ERBB4: variants seen among roughly 807,000 people sequenced by gnomAD.
ERBB4 encodes erb-b2 receptor tyrosine kinase 4.
A neutral mutation model predicts 158.0 loss-of-function variants in ERBB4; 42 were observed. The ratio of observed to expected loss-of-function variants is 0.27; its 90% CI spans 0.21 to 0.34. The LOEUF is 0.34. ERBB4 is among the 10% of genes least tolerant of loss of function. The pLI, the probability that ERBB4 is intolerant of heterozygous loss-of-function variation, is 1.00. For missense variants in ERBB4, 1,333 were observed against 1,624.1 expected (o/e 0.82, Z 3.08); for synonymous variants, 583 against 558.7 (o/e 1.04, Z -0.61).
chr2:211,632,004 T>C (rs2070153749), intron 16 of ERBB4, among the ~76,000 whole-genome samples: 2 of 152,064 alleles, frequency 1.3e-5, no homozygotes, highest in African/African-American at 2.4e-5. Context: ...AAAAAAAATC[T>C]GCGTAACTTC....
chr2:212,003,112 A>AAGGAAG, intron 2 of ERBB4, among the ~76,000 whole-genome samples: 1 of 48,146 alleles, frequency 2.1e-5, no homozygotes, highest in African/African-American at 6.8e-5. Flanking sequence ...AAAGAAAGAA[A>AAGGAAG]GAAGGAAGGA....
chr2:211,507,314 T>G (rs2125604767), intron 20 of ERBB4, among the ~76,000 whole-genome samples: 1 of 152,280 alleles, frequency 6.6e-6, no homozygotes, highest in South Asian at 2.1e-4. Context: ...CTACTGAAAT[T>G]ACTCTGAAAA....
chr2:211,669,656 T>G (rs1377567589), intron 14 of ERBB4, among the ~76,000 whole-genome samples: 1 of 152,204 alleles, frequency 6.6e-6, no homozygotes, highest in Admixed American at 6.5e-5. Flanking sequence ...ATTTCCAATC[T>G]ATCCCTTGCA....
At chr2:211,853,198 G>T (rs2077761302) in intron 3 of ERBB4, among the ~76,000 whole-genome samples, 2 of 151,866 alleles carry the variant, frequency 1.3e-5, no homozygotes, top group South Asian at 4.1e-4. Context: ...TCAGATTCTT[G>T]CATAATTGTG....
intron 1 of ERBB4, among the ~76,000 whole-genome samples, chr2:212,449,259 A>G (rs2106014139): frequency 6.6e-6 from 1 of 152,288 alleles, no homozygotes; most frequent in South Asian, 2.1e-4. Context: ...ATAAAATCAA[A>G]TGCACATTAA....
intron 20 of ERBB4, among the ~76,000 whole-genome samples, chr2:211,515,916 T>A (rs868437741): frequency 0.038 from 2,597 of 68,492 alleles, 38 homozygotes; most frequent in African/African-American, 0.11. Context: ...ATATATATTT[T>A]TTTTTTTTTT....
chr2:211,834,158 C>A (rs1010114092), intron 3 of ERBB4, among the ~76,000 whole-genome samples: 1 of 151,990 alleles, frequency 6.6e-6, no homozygotes, highest in Non-Finnish European at 1.5e-5. Context: ...ATAAAGATAT[C>A]AGAGAAATTA....
chr2:212,087,400 C>T (rs10497960), intron 2 of ERBB4, among the ~76,000 whole-genome samples: 29,603 of 152,032 alleles, frequency 0.19, 3,815 homozygotes, highest in Non-Finnish European at 0.29. Flanking sequence ...ACAGTACTAA[C>T]GCCACCAATT....
chr2:212,346,802 T>G (rs1017440671), intron 1 of ERBB4, among the ~76,000 whole-genome samples: 6 of 152,104 alleles, frequency 3.9e-5, no homozygotes, highest in African/African-American at 1.4e-4. Flanking sequence ...AGGGCCAAGG[T>G]ACTTAGGAAA....
chr2:212,205,811 G>T (rs1027347920), intron 1 of ERBB4, among the ~76,000 whole-genome samples: 1 of 152,106 alleles, frequency 6.6e-6, no homozygotes, highest in African/African-American at 2.4e-5. Flanking sequence ...AAAGAATCAT[G>T]TTTTAAAAGC....
chr2:211,892,948 G>C (rs1014311152), intron 3 of ERBB4, among the ~76,000 whole-genome samples: 2 of 146,062 alleles, frequency 1.4e-5, no homozygotes, highest in Non-Finnish European at 3.0e-5. Context: ...ATGCTCATGG[G>C]TAGGAAGAAT....
intron 1 of ERBB4, among the ~76,000 whole-genome samples, chr2:212,144,151 T>G (rs2080583109): frequency 6.6e-6 from 1 of 152,212 alleles, no homozygotes; most frequent in Non-Finnish European, 1.5e-5. Context: ...TTCTGTTGGA[T>G]GCATGCTAAC....
At chr2:212,152,560 A>T (rs189134145) in intron 1 of ERBB4, among the ~76,000 whole-genome samples, 1 of 152,072 alleles carries the variant, frequency 6.6e-6, no homozygotes, top group Non-Finnish European at 1.5e-5. Context: ...CATTTCTCTT[A>T]ATCTAAATTT....
rs116440530 is a variant in ERBB4, at chr2:211,419,225, C to T, written c.3135+1216G>A. Among the ~76,000 whole-genome samples the T allele has an allele frequency of 3.4e-3, 514 of 152,100 alleles. 2 individuals are homozygous for T. Among genetic ancestry groups the T allele is most frequent in the African/African-American group, 0.012 (483 of 41,520 alleles). On this transcript the variant is annotated intron_variant, in intron 25 of 27. Coordinates refer to ENST00000342788, the MANE Select transcript of ERBB4 (RefSeq NM_005235.3). ...TAGCTGTGTGACACCAGTCATATCACCTGACTTCTCTGTGGCAAGTTTCTT... is the reference window on the plus strand; with the variant it reads ...TAGCTGTGTGACACCAGTCATATCATCTGACTTCTCTGTGGCAAGTTTCTT...
chr2:212,047,846 C>A (rs2077295801), intron 2 of ERBB4, among the ~76,000 whole-genome samples: 1 of 152,032 alleles, frequency 6.6e-6, no homozygotes, highest in Admixed American at 6.6e-5. Flanking sequence ...TTCTTATAGA[C>A]AACACTCTTG....
At chr2:211,423,903 T>C (rs573102072) in intron 23 of ERBB4, among the ~76,000 whole-genome samples, 1 of 151,986 alleles carries the variant, frequency 6.6e-6, no homozygotes, top group East Asian at 1.9e-4. Context: ...TAATTACCTC[T>C]CTTTACGACA....
chr2:212,104,266 T>C (rs2079162116), intron 2 of ERBB4, among the ~76,000 whole-genome samples: 1 of 152,124 alleles, frequency 6.6e-6, no homozygotes, highest in African/African-American at 2.4e-5. Flanking sequence ...CTATTCATCT[T>C]GGGATCCCTA....
intron 20 of ERBB4, among the ~76,000 whole-genome samples, chr2:211,486,216 T>C: frequency 6.6e-6 from 1 of 152,148 alleles, no homozygotes; most frequent in South Asian, 2.1e-4. Context: ...TGCTTTCCTT[T>C]TCTTTTTTCT....
At chr2:211,831,133 C>A (rs985515936) in intron 3 of ERBB4, among the ~76,000 whole-genome samples, 1 of 152,138 alleles carries the variant, frequency 6.6e-6, no homozygotes, top group Non-Finnish European at 1.5e-5. Flanking sequence ...GAATAAAAAT[C>A]ATAATTAAAG....
Sources: gnomAD v4.1 joint callset for allele counts (sites outside exome capture counted in the v4.1 genomes callset) on GRCh38, gnomAD v4.1.1 for gene constraint, MANE v1.5 for transcripts, NCBI Gene and HGNC (gene_info 2026-07-23, HGNC 2026-07-21) for gene names.